ESR2: variants seen among roughly 807,000 people sequenced by gnomAD.
The protein encoded by ESR2 is estrogen receptor beta.
Under a neutral mutation model 49.6 loss-of-function variants are expected in ESR2, and 36 were observed. The observed-to-expected ratio is 0.73, with a 90% CI of 0.56 to 0.96. The LOEUF (loss-of-function observed/expected upper bound fraction) is 0.96. Among genes scored for constraint, ESR2 ranks in the 40% least tolerant of loss-of-function variants. The pLI is 0.00. For synonymous variants in ESR2, 320 were observed against 266.1 expected, an observed-to-expected ratio of 1.20 and a Z score of -1.97; for missense variants, 714 against 693.0, an observed-to-expected ratio of 1.03 and a Z score of -0.34.
chr14:64,267,202 A>C (rs948025354), intron 4 of ESR2, among the ~76,000 whole-genome samples: 2 of 152,172 alleles, frequency 1.3e-5, no homozygotes, highest in African/African-American at 2.4e-5. Context: ...CACAGAAAAA[A>C]ACCAAACTTG....
intron 1 of ESR2, among the ~76,000 whole-genome samples, chr14:64,318,811 G>A (rs2077291278): frequency 6.6e-6 from 1 of 152,092 alleles, no homozygotes; most frequent in Non-Finnish European, 1.5e-5. Flanking sequence ...GGCAGGCCAA[G>A]GCAGGCAGAT....
At chr14:64,295,310 G>A (rs181339305), upstream of ESR2, among the ~76,000 whole-genome samples, 8 of 152,092 alleles carry the variant, frequency 5.3e-5, no homozygotes, top group Admixed American at 3.3e-4. Flanking sequence ...AGGAAGACGA[G>A]GGGGGGCATT....
At chr14:64,291,512 CAAAGGAA>C (rs143506574) in intron 1 of ESR2, among the ~76,000 whole-genome samples, 2,552 of 151,890 alleles carry the variant, frequency 0.017, 69 homozygotes, top group East Asian at 0.086. Flanking sequence ...TTTCATAGAA[CAAAGGAA>C]AAAGGAAAAA....
At chr14:64,260,864 G>C in intron 4 of ESR2, 116 bp from the exon 5 acceptor site, 2 of 952,258 alleles carry the variant, frequency 2.1e-6, no homozygotes, top group Non-Finnish European at 2.9e-6. Context: ...TACTATGGTC[G>C]TGACCGTACT....
At chr14:64,270,287 A>G (rs2076414087) in intron 3 of ESR2, among the ~76,000 whole-genome samples, 1 of 152,226 alleles carries the variant, frequency 6.6e-6, no homozygotes, top group African/African-American at 2.4e-5. Context: ...ATGCACGTGT[A>G]GGTGGTAAAA....
chr14:64,261,519 G>A (rs541665831), intron 4 of ESR2, among the ~76,000 whole-genome samples: 12 of 152,282 alleles, frequency 7.9e-5, no homozygotes, highest in Non-Finnish European at 1.5e-4. Flanking sequence ...CCGGGTTCAA[G>A]CGATTCTCCT....
At chr14:64,336,895 G>T (rs958143880) in intron 1 of ESR2, among the ~76,000 whole-genome samples, 1 of 151,928 alleles carries the variant, frequency 6.6e-6, no homozygotes, top group Middle Eastern at 3.2e-3. Context: ...TCTTCATTCA[G>T]ATTTTTCTCA....
chr14:64,284,642 C>T (rs897600389), intron 1 of ESR2, among the ~76,000 whole-genome samples: 2 of 151,812 alleles, frequency 1.3e-5, no homozygotes, highest in African/African-American at 4.8e-5. Context: ...ACAATTAATA[C>T]AATATCTGAG....
At chr14:64,315,812 G>A (rs561164177) in intron 1 of ESR2, among the ~76,000 whole-genome samples, 13 of 151,882 alleles carry the variant, frequency 8.6e-5, no homozygotes, top group Non-Finnish European at 1.8e-4. Context: ...GTGCCACCAC[G>A]CCCAGCTAAT....
At chr14:64,295,462 T>A (rs1016871099), upstream of ESR2, among the ~76,000 whole-genome samples, 4 of 152,180 alleles carry the variant, frequency 2.6e-5, no homozygotes, top group African/African-American at 9.7e-5. Flanking sequence ...ATCTGCTTCA[T>A]CAGCTAAACA....
At chr14:64,237,452 G>A (rs1485811471) in intron 7 of ESR2, among the ~76,000 whole-genome samples, 1 of 152,170 alleles carries the variant, frequency 6.6e-6, no homozygotes, top group Non-Finnish European at 1.5e-5. Flanking sequence ...GTGTTCAGCT[G>A]CATGACATGT....
chr14:64,313,780 G>A (rs1396808593), intron 1 of ESR2, among the ~76,000 whole-genome samples: 1 of 151,172 alleles, frequency 6.6e-6, no homozygotes, highest in Non-Finnish European at 1.5e-5. Context: ...TCGGGAGGCT[G>A]AGGTAGGAGA....
At chr14:64,247,393 G>A (rs570861907) in intron 7 of ESR2, among the ~76,000 whole-genome samples, 47 of 152,234 alleles carry the variant, frequency 3.1e-4, no homozygotes, top group Non-Finnish European at 5.7e-4. Flanking sequence ...GAGAAGACAC[G>A]TATGAAGGTC....
intron 1 of ESR2, among the ~76,000 whole-genome samples, chr14:64,318,770 T>C (rs572326269): frequency 6.6e-6 from 1 of 150,562 alleles, no homozygotes; most frequent in Non-Finnish European, 1.5e-5. Flanking sequence ...TAGCCAGGTG[T>C]TGTGGTTCAT....
At chr14:64,269,737 T>C (rs2076401315) in intron 3 of ESR2, among the ~76,000 whole-genome samples, 1 of 152,150 alleles carries the variant, frequency 6.6e-6, no homozygotes, top group African/African-American at 2.4e-5. Flanking sequence ...GTACAGAAAA[T>C]AAGGCCCATT....
intron 4 of ESR2, among the ~76,000 whole-genome samples, chr14:64,266,949 C>T (rs1022468009): frequency 2.0e-5 from 3 of 152,214 alleles, no homozygotes; most frequent in East Asian, 1.9e-4. Context: ...GGCGCGATCT[C>T]GGCTCACTGC....
At chr14:64,227,834 G>A (rs777567273), downstream of ESR2, 187 of 1,584,420 alleles carry the variant, frequency 1.2e-4, no homozygotes, top group Admixed American at 1.6e-4. Flanking sequence ...GTTTTATATC[G>A]TCTGCAAATC....
intron 7 of ESR2, among the ~76,000 whole-genome samples, chr14:64,237,620 C>T (rs930547717): frequency 2.0e-5 from 3 of 152,178 alleles, no homozygotes; most frequent in South Asian, 2.1e-4. Context: ...AGCAGCATAA[C>T]TCAGCCTAAA....
chr14:64,323,479 T>C (rs2077349458), intron 1 of ESR2, among the ~76,000 whole-genome samples: 1 of 151,996 alleles, frequency 6.6e-6, no homozygotes. Flanking sequence ...GTGTTGAGAT[T>C]ACAGGTGTGA....
Sources: allele counts gnomAD v4.1 joint callset (sites outside exome capture counted in the v4.1 genomes callset), GRCh38; gene constraint gnomAD v4.1.1; transcripts MANE v1.5; gene names NCBI Gene and HGNC (gene_info 2026-07-23, HGNC 2026-07-21).